ARSB: variants seen among roughly 807,000 people sequenced by gnomAD.
The protein encoded by ARSB is N-acetylgalactosamine-4-sulfatase.
ARSB carries 41 observed loss-of-function variants against 50.9 expected under a neutral mutation model. The observed-to-expected ratio is 0.81, with a 90% CI of 0.63 to 1.04. The LOEUF (loss-of-function observed/expected upper bound fraction) is 1.04. Among genes scored for constraint, ARSB ranks in the 50% least tolerant of loss-of-function variants. The probability of loss-of-function intolerance (pLI) is 0.00; values close to 1 mark genes in which losing one functional copy is unlikely to be tolerated. For missense variants in ARSB, 672 were observed against 693.3 expected (o/e 0.97, Z 0.35); for synonymous variants, 269 against 284.8 (o/e 0.94, Z 0.56).
chr5:78,835,157 C>T (rs1744895091), intron 6 of ARSB, among the ~76,000 whole-genome samples: 1 of 152,000 alleles, frequency 6.6e-6, no homozygotes, highest in African/African-American at 2.4e-5. Context: ...TGAATGTGTA[C>T]GTGTATCAAT....
chr5:78,971,314 A>G (rs1752443885), intron 1 of ARSB, among the ~76,000 whole-genome samples: 1 of 152,126 alleles, frequency 6.6e-6, no homozygotes, highest in East Asian at 1.9e-4. Flanking sequence ...TTCTTTGTAG[A>G]AAGTGGGACT....
At chr5:78,825,288 T>C (rs956213822) in intron 6 of ARSB, among the ~76,000 whole-genome samples, 1 of 152,248 alleles carries the variant, frequency 6.6e-6, no homozygotes, top group African/African-American at 2.4e-5. Flanking sequence ...CTCTTCCAAG[T>C]GTCTGTGATT....
At chr5:78,791,892 C>T (rs978085194) in intron 6 of ARSB, among the ~76,000 whole-genome samples, 3 of 152,152 alleles carry the variant, frequency 2.0e-5, no homozygotes, top group African/African-American at 7.2e-5. Context: ...GGGCTGTGCA[C>T]AGCTGTTTTG....
At chr5:78,947,521 A>G (rs1254834693) in intron 4 of ARSB, among the ~76,000 whole-genome samples, 4 of 152,248 alleles carry the variant, frequency 2.6e-5, no homozygotes, top group African/African-American at 9.6e-5. Flanking sequence ...GCAAACAGGT[A>G]TATGAAAAGG....
At chr5:78,788,906 A>G (rs1305417840) in intron 6 of ARSB, among the ~76,000 whole-genome samples, 3 of 152,232 alleles carry the variant, frequency 2.0e-5, no homozygotes, top group Non-Finnish European at 2.9e-5. Flanking sequence ...CTGAGGTATT[A>G]TAAGTGTGAG....
At chr5:78,831,557 G>A (rs560012564) in intron 6 of ARSB, among the ~76,000 whole-genome samples, 1 of 152,236 alleles carries the variant, frequency 6.6e-6, no homozygotes, top group Non-Finnish European at 1.5e-5. Context: ...ATATCTGGGT[G>A]CCCTTCTCCC....
At chr5:78,847,121 T>A (rs1745480791) in intron 5 of ARSB, among the ~76,000 whole-genome samples, 1 of 152,132 alleles carries the variant, frequency 6.6e-6, no homozygotes, top group South Asian at 2.1e-4. Context: ...TGGTGAATGA[T>A]CTTTTAAATT....
At chr5:78,904,158 T>C (rs1231110327) in intron 4 of ARSB, among the ~76,000 whole-genome samples, 2 of 152,270 alleles carry the variant, frequency 1.3e-5, no homozygotes, top group African/African-American at 4.8e-5. Context: ...TCATCCATGC[T>C]AATGTGTGTA....
At chr5:78,985,389 G>C, upstream of ARSB, 1 of 841,670 alleles carries the variant, frequency 1.2e-6, no homozygotes, top group Non-Finnish European at 1.6e-6. Flanking sequence ...GCGAGGCCGG[G>C]CGCTCGGCCC....
Position 78,820,799 on chromosome 5 carries a change from C to T in ARSB, c.1213+18557G>A, listed in dbSNP as rs768421002. 1.8e-4 allele frequency among the ~76,000 whole-genome samples: 28 copies of T among 152,014 alleles called. 1 individual carries two copies. The highest frequency in any genetic ancestry group is 5.8e-4 in the African/African-American group (24 of 41,380). On this transcript the variant is annotated intron_variant, in intron 6 of 7. Transcript: ENST00000264914. ...TGCCAATAGCATTCCCCACTCAGGT[C>T]GTGACCACCAAAAATGCCTGCAAAA...
At chr5:78,945,665 T>C (rs1280628578) in intron 4 of ARSB, among the ~76,000 whole-genome samples, 1 of 152,172 alleles carries the variant, frequency 6.6e-6, no homozygotes, top group Non-Finnish European at 1.5e-5. Context: ...ACAGGCCCCT[T>C]CTGAGTGGAC....
chr5:78,869,205 T>A (rs1403688153), intron 5 of ARSB, among the ~76,000 whole-genome samples: 1 of 109,804 alleles, frequency 9.1e-6, no homozygotes, highest in African/African-American at 3.8e-5. Flanking sequence ...CTCCCACACA[T>A]TAATAATGGG....
At chr5:78,876,330 T>C (rs975901320) in intron 5 of ARSB, among the ~76,000 whole-genome samples, 13 of 152,162 alleles carry the variant, frequency 8.5e-5, no homozygotes, top group Admixed American at 7.2e-4. Context: ...AAAATACTGG[T>C]AAAGAAAGTA....
intron 4 of ARSB, among the ~76,000 whole-genome samples, chr5:78,895,506 T>C (rs1274168175): frequency 2.6e-5 from 4 of 152,236 alleles, no homozygotes; most frequent in Non-Finnish European, 5.9e-5. Context: ...ATCCTATTTA[T>C]CTACAGCAAT....
intron 4 of ARSB, among the ~76,000 whole-genome samples, chr5:78,939,312 G>A (rs1750783486): frequency 6.6e-6 from 1 of 151,754 alleles, no homozygotes; most frequent in Non-Finnish European, 1.5e-5. Flanking sequence ...TTAAGTTCTA[G>A]GGTACATGTG....
At chr5:78,923,170 A>G (rs1652762508) in intron 4 of ARSB, among the ~76,000 whole-genome samples, 1 of 152,222 alleles carries the variant, frequency 6.6e-6, no homozygotes, top group Non-Finnish European at 1.5e-5. Flanking sequence ...AAGTTGGCTG[A>G]CCACCGCCAC....
At chr5:78,784,817 T>A (rs1437080264) in intron 6 of ARSB, among the ~76,000 whole-genome samples, 1 of 150,382 alleles carries the variant, frequency 6.6e-6, no homozygotes, top group African/African-American at 2.4e-5. Context: ...TTTTTTTTTT[T>A]AGATGGAGTC....
chr5:78,863,270 G>A (rs1020718479), intron 5 of ARSB, among the ~76,000 whole-genome samples: 1 of 152,046 alleles, frequency 6.6e-6, no homozygotes, highest in Non-Finnish European at 1.5e-5. Flanking sequence ...TATACCCAAA[G>A]GATTATAAAT....
rs1183289497 is a variant in ARSB, at chr5:78,964,423, G to A, written c.683C>T (p.Pro228Leu). ...AATAGAAGCAAAACTTACCTTCTCTGGTGGATGGTTAGTTATGAGGGCTAT... is the reference window on the plus strand; with the variant it reads ...AATAGAAGCAAAACTTACCTTCTCTAGTGGATGGTTAGTTATGAGGGCTAT... ...RAIALITNHP[P>L]EKPLFLYLAL... is the part of the protein sequence containing the mutation. The change falls in exon 3 of 8, where the codon CCA becomes CTA. Residue 228 changes from proline (P) to leucine (L), a missense_variant. Physicochemically the swap from Pro to Leu is moderately conservative, Grantham distance 98. Transcript: ENST00000264914. The A allele has an allele frequency of 1.2e-6, 2 of 1,613,612 alleles. No individual in the cohort carries two copies. The highest frequency in any genetic ancestry group is 1.3e-5 in the African/African-American group (1 of 74,910).
Sources: gnomAD v4.1 joint callset for allele counts (sites outside exome capture counted in the v4.1 genomes callset) on GRCh38, gnomAD v4.1.1 for gene constraint, MANE v1.5 for transcripts, NCBI Gene and HGNC (gene_info 2026-07-23, HGNC 2026-07-21) for gene names.